The following SFXN5 variants were observed in gnomAD, a reference collection of about 807,000 sequenced individuals.
SFXN5 encodes sideroflexin 5.
SFXN5 carries 43 observed loss-of-function variants against 50.2 expected under a neutral mutation model. The ratio of observed to expected loss-of-function variants is 0.86; its 90% CI spans 0.67 to 1.11. The LOEUF (loss-of-function observed/expected upper bound fraction) is 1.11, where lower values mean the gene tolerates loss of function less well. SFXN5 is among the 50% of genes least tolerant of loss of function. The pLI is 0.00. For synonymous variants in SFXN5, 203 were observed against 185.8 expected (o/e 1.09, Z -0.75); for missense variants, 463 against 454.1 (o/e 1.02, Z -0.18).
intron 2 of SFXN5, 196 bp downstream of exon 2, chr2:73,058,332 T>A: frequency 1.9e-6 from 1 of 538,890 alleles, no homozygotes; most frequent in Middle Eastern, 4.9e-4. Context: ...GCACAATGTA[T>A]CAACTCAGAT....
chr2:72,999,948 G>C (rs374972968), intron 8 of SFXN5, among the ~76,000 whole-genome samples: 6 of 152,150 alleles, frequency 3.9e-5, no homozygotes, highest in East Asian at 1.9e-4. Flanking sequence ...GGGGCTCTGG[G>C]GGGGAGTTAC....
At chr2:73,032,457 G>A (rs1037973633) in intron 3 of SFXN5, among the ~76,000 whole-genome samples, 4 of 152,174 alleles carry the variant, frequency 2.6e-5, no homozygotes, top group Admixed American at 6.5e-5. Context: ...GAAGCAATCC[G>A]GGTGAGAGGT....
At chr2:73,062,717 G>GT (rs574644352) in intron 1 of SFXN5, among the ~76,000 whole-genome samples, 36 of 152,254 alleles carry the variant, frequency 2.4e-4, no homozygotes, top group South Asian at 6.2e-4. Context: ...CTATAAACAA[G>GT]TAACTACAAA....
intron 9 of SFXN5, among the ~76,000 whole-genome samples, chr2:72,989,183 CT>C (rs1672274924): frequency 6.6e-6 from 1 of 152,214 alleles, no homozygotes; most frequent in Non-Finnish European, 1.5e-5. Flanking sequence ...GTCCAGTTTG[CT>C]GCCCATCAGA....
intron 10 of SFXN5, among the ~76,000 whole-genome samples, chr2:72,986,161 C>T (rs1481293457): frequency 6.6e-6 from 1 of 152,204 alleles, no homozygotes; most frequent in Non-Finnish European, 1.5e-5. Flanking sequence ...TGGCCCACGA[C>T]AGAAATAGCT....
At chr2:73,030,507 T>C (rs1678169329) in intron 3 of SFXN5, among the ~76,000 whole-genome samples, 1 of 152,184 alleles carries the variant, frequency 6.6e-6, no homozygotes. Context: ...CCAGCCTGAA[T>C]ATTTTATAAA....
At chr2:73,060,703 C>CTT (rs61079585) in intron 1 of SFXN5, among the ~76,000 whole-genome samples, 20,145 of 139,784 alleles carry the variant, frequency 0.14, 1,684 homozygotes, top group East Asian at 0.41. Context: ...TGTCCTTGTT[C>CTT]TTTTTTTTTT....
chr2:73,022,456 T>C (rs1677013507), intron 5 of SFXN5, 66 bp downstream of exon 5: 2 of 1,240,164 alleles, frequency 1.6e-6, no homozygotes, highest in Non-Finnish European at 1.2e-6. Context: ...ATCTGGATGC[T>C]CCTGGAACTG....
intron 13 of SFXN5, among the ~76,000 whole-genome samples, chr2:72,954,801 C>T (rs565472439): frequency 6.6e-6 from 1 of 152,354 alleles, no homozygotes; most frequent in East Asian, 1.9e-4. Context: ...GCAGGCCGGG[C>T]ACCTGAGGGG....
chr2:73,003,669 T>G (rs1674225254), intron 6 of SFXN5, among the ~76,000 whole-genome samples: 1 of 152,242 alleles, frequency 6.6e-6, no homozygotes, highest in Non-Finnish European at 1.5e-5. Flanking sequence ...TGGCTTCATT[T>G]TATCTTCCCT....
chr2:72,971,099 C>T (rs1276406518), intron 11 of SFXN5, among the ~76,000 whole-genome samples: 1 of 152,174 alleles, frequency 6.6e-6, no homozygotes, highest in Non-Finnish European at 1.5e-5. Flanking sequence ...GCCTCAAATC[C>T]CTTGACCTCA....
chr2:72,999,619 C>T (rs1369703540), intron 8 of SFXN5, among the ~76,000 whole-genome samples: 1 of 151,744 alleles, frequency 6.6e-6, no homozygotes, highest in Admixed American at 6.6e-5. Context: ...GCAGAGATGG[C>T]CATATGTGAA....
At chr2:73,057,313 A>C (rs763802758) in intron 2 of SFXN5, among the ~76,000 whole-genome samples, 5 of 152,036 alleles carry the variant, frequency 3.3e-5, no homozygotes, top group Non-Finnish European at 5.9e-5. Flanking sequence ...TAATTTTTTA[A>C]AATTTTGTAG....
intron 9 of SFXN5, chr2:72,997,289 T>G (rs1050177191): frequency 2.6e-5 from 4 of 152,218 alleles, no homozygotes; most frequent in African/African-American, 9.6e-5. Flanking sequence ...TGAATTAAAT[T>G]GTGGCGTATG....
chr2:72,997,126 CT>C (rs1184756010), intron 9 of SFXN5: 1 of 152,178 alleles, frequency 6.6e-6, no homozygotes, highest in East Asian at 1.9e-4. Context: ...TCACTTCTTG[CT>C]TTTGTGAAGA....
rs563313070 is a variant in SFXN5, at chr2:73,062,377, T to C, written c.103-3781A>G. ...GCAGGATTAGGAAAGGGTAACAGTA[T>C]GGCAGCTAGTGGTCCAAGGAGGAAA... On this transcript the variant is annotated intron_variant, in intron 1 of 13. Transcript: ENST00000272433. Among the ~76,000 whole-genome samples, 3 of 152,230 alleles carry C rather than the reference T, an allele frequency of 2.0e-5. No homozygotes were observed. The South Asian group carries it at 6.2e-4, about 32-fold the overall frequency.
intron 10 of SFXN5, among the ~76,000 whole-genome samples, chr2:72,975,716 AC>A (rs1670551100): frequency 6.6e-6 from 1 of 152,200 alleles, no homozygotes; most frequent in Non-Finnish European, 1.5e-5. Context: ...AGCAATCCAT[AC>A]AGAATTTGAA....
intron 2 of SFXN5, among the ~76,000 whole-genome samples, chr2:73,050,421 C>CACACACACA (rs1240561312): frequency 1.3e-5 from 2 of 148,494 alleles, no homozygotes; most frequent in South Asian, 2.1e-4. Context: ...CACACACACA[C>CACACACACA]CCCTGCAGAG....
chr2:73,053,959 G>A (rs934753372), intron 2 of SFXN5, among the ~76,000 whole-genome samples: 1 of 152,204 alleles, frequency 6.6e-6, no homozygotes, highest in Non-Finnish European at 1.5e-5. Flanking sequence ...CATTGAGGGG[G>A]AGCCTGGCCC....
Sources: gnomAD v4.1 joint callset for allele counts (sites outside exome capture counted in the v4.1 genomes callset) on GRCh38, gnomAD v4.1.1 for gene constraint, MANE v1.5 for transcripts, NCBI Gene and HGNC (gene_info 2026-07-23, HGNC 2026-07-21) for gene names.